Variants in GRM8 observed in about 807,000 individuals in gnomAD.
GRM8 encodes metabotropic glutamate receptor 8.
Under a neutral mutation model 87.2 loss-of-function variants are expected in GRM8, and 47 were observed. The observed-to-expected ratio is 0.54, with a 90% confidence interval of 0.43 to 0.69. The LOEUF (loss-of-function observed/expected upper bound fraction) is 0.69, where lower values mean the gene tolerates loss of function less well. GRM8 is among the 30% of genes least tolerant of loss of function. The pLI is 0.00. For missense variants in GRM8, 1,019 were observed against 1,139.2 expected, an observed-to-expected ratio of 0.89 and a Z score of 1.52; for synonymous variants, 396 against 404.5, an observed-to-expected ratio of 0.98 and a Z score of 0.25.
intron 2 of GRM8, among the ~76,000 whole-genome samples, chr7:127,161,223 A>C (rs939343863): frequency 6.6e-5 from 10 of 152,202 alleles, no homozygotes; most frequent in Admixed American, 5.2e-4. Context: ...TCACAAGATA[A>C]ATCCCACCTG....
chr7:127,195,072 T>G (rs117161985), intron 2 of GRM8, among the ~76,000 whole-genome samples: 1 of 152,294 alleles, frequency 6.6e-6, no homozygotes, highest in East Asian at 1.9e-4. Context: ...CTTGCCCATT[T>G]CTCTTTGCCA....
intron 2 of GRM8, among the ~76,000 whole-genome samples, chr7:127,169,903 T>A (rs1488004577): frequency 6.6e-6 from 1 of 152,194 alleles, no homozygotes; most frequent in Admixed American, 6.5e-5. Flanking sequence ...TTTCAAAATA[T>A]TATTGTTCGT....
At position 126,475,239 on chromosome 7, in the gene GRM8, A is replaced by G. The variant is rs572345699; in HGVS notation, c.2431-28867T>C. Among the ~76,000 whole-genome samples, 3 of 152,268 alleles carry G rather than the reference A, an allele frequency of 2.0e-5. No individual in the cohort carries two copies. In the East Asian group the frequency reaches 5.8e-4, roughly 29 times the overall value. ...ATTTTACATACAGGAAAATCTAAAA[A>G]CTATGAAAAAAACTGTTAGCATAAA... is the stretch of plus-strand genomic sequence containing the variant. On this transcript the variant is annotated intron_variant, in intron 9 of 10. Coordinates refer to ENST00000339582, the MANE Select transcript of GRM8 (RefSeq NM_000845.3).
intron 3 of GRM8, among the ~76,000 whole-genome samples, chr7:126,937,814 G>A (rs1563333852): frequency 6.6e-6 from 1 of 152,158 alleles, no homozygotes; most frequent in African/African-American, 2.4e-5. Flanking sequence ...CTGATAGAGA[G>A]GCCTAGACAT....
intron 2 of GRM8, among the ~76,000 whole-genome samples, chr7:127,221,286 G>C (rs936785792): frequency 1.3e-5 from 2 of 152,172 alleles, no homozygotes; most frequent in Non-Finnish European, 2.9e-5. Context: ...TGTTACCCAG[G>C]CCAGTGGTTT....
intron 9 of GRM8, among the ~76,000 whole-genome samples, chr7:126,519,253 G>A (rs1009648243): frequency 2.0e-5 from 3 of 151,998 alleles, no homozygotes; most frequent in Admixed American, 6.6e-5. Flanking sequence ...ATCTGGAAAT[G>A]TAAAATAATG....
At chr7:126,615,162 T>A (rs1411507323) in intron 7 of GRM8, among the ~76,000 whole-genome samples, 1 of 152,168 alleles carries the variant, frequency 6.6e-6, no homozygotes, top group Non-Finnish European at 1.5e-5. Flanking sequence ...CCAATTAGAC[T>A]AATAGCAGAT....
chr7:126,888,623 T>C (rs891762921), intron 6 of GRM8, among the ~76,000 whole-genome samples: 3 of 152,128 alleles, frequency 2.0e-5, no homozygotes, highest in Non-Finnish European at 4.4e-5. Context: ...TGTGGTTTGC[T>C]GAATTGGCAT....
At chr7:126,891,687 CT>C (rs1037702659) in intron 6 of GRM8, among the ~76,000 whole-genome samples, 1 of 152,030 alleles carries the variant, frequency 6.6e-6, no homozygotes, top group Non-Finnish European at 1.5e-5. Flanking sequence ...TGACACCAAT[CT>C]TCTCCCCTAG....
chr7:126,575,140 C>T (rs1168368613), intron 8 of GRM8, among the ~76,000 whole-genome samples: 1 of 152,006 alleles, frequency 6.6e-6, no homozygotes, highest in Non-Finnish European at 1.5e-5. Context: ...GGCTGCGTAG[C>T]AGGAGGTGAG....
intron 9 of GRM8, among the ~76,000 whole-genome samples, chr7:126,508,451 C>A (rs560279309): frequency 6.6e-6 from 1 of 152,106 alleles, no homozygotes; most frequent in South Asian, 2.1e-4. Context: ...GAGGATGGAA[C>A]CTCATGACCT....
At chr7:127,245,333 A>AT (rs2116894143) in intron 1 of GRM8, among the ~76,000 whole-genome samples, 1 of 152,366 alleles carries the variant, frequency 6.6e-6, no homozygotes, top group African/African-American at 2.4e-5. Context: ...GACAGAGTAC[A>AT]GACTAAATGA....
chr7:126,543,078 A>G (rs1052564136), intron 8 of GRM8, among the ~76,000 whole-genome samples: 5 of 152,216 alleles, frequency 3.3e-5, no homozygotes, highest in African/African-American at 1.2e-4. Context: ...CTACATGGAC[A>G]TCTATGCATG....
chr7:126,956,293 G>A (rs1341288461), intron 3 of GRM8, among the ~76,000 whole-genome samples: 1 of 152,134 alleles, frequency 6.6e-6, no homozygotes, highest in Non-Finnish European at 1.5e-5. Context: ...ATCATGTATT[G>A]TGGAATTACA....
At chr7:126,836,181 C>G (rs1795817191) in intron 6 of GRM8, among the ~76,000 whole-genome samples, 2 of 151,820 alleles carry the variant, frequency 1.3e-5, no homozygotes, top group South Asian at 4.2e-4. Flanking sequence ...AATTTCTTGG[C>G]CAAAATTAAG....
intron 2 of GRM8, among the ~76,000 whole-genome samples, chr7:127,184,112 C>A (rs932801088): frequency 1.3e-5 from 2 of 151,848 alleles, no homozygotes; most frequent in African/African-American, 4.8e-5. Flanking sequence ...ACAATTTCCA[C>A]TATCTCTTAC....
At chr7:127,132,080 T>G (rs1200860365) in intron 2 of GRM8, among the ~76,000 whole-genome samples, 2 of 152,230 alleles carry the variant, frequency 1.3e-5, no homozygotes, top group Non-Finnish European at 2.9e-5. Context: ...CAGACCAGTC[T>G]TCATTATCTA....
At position 126,533,648 on chromosome 7, in the gene GRM8, C is replaced by A. The variant is rs759550118; in HGVS notation, c.1734G>T (p.Glu578Asp). ...GCQLIPIIKL[E>D]WHSPWAVVPV... ...GCACCACAGCCCAGGGAGAATGCCA[C>A]TCCAATTTGATGATGGGGATAAGCT... The change falls in exon 9 of 11, where the codon GAG (glutamate) becomes GAT (aspartate). Residue 578 changes from glutamate to aspartate, a missense_variant. Transcript: ENST00000339582. 1.2e-6 allele frequency: 2 copies of A among 1,613,972 alleles called. No homozygotes were observed. The highest frequency in any genetic ancestry group is 3.3e-5 in the Admixed American group (2 of 59,998).
chr7:126,847,691 G>A (rs943804250), intron 6 of GRM8, among the ~76,000 whole-genome samples: 5 of 152,168 alleles, frequency 3.3e-5, no homozygotes, highest in African/African-American at 1.2e-4. Flanking sequence ...CCAAGAGAGA[G>A]AATCAGGTGA....
Sources: gnomAD v4.1 joint callset for allele counts (sites outside exome capture counted in the v4.1 genomes callset) on GRCh38, gnomAD v4.1.1 for gene constraint, MANE v1.5 for transcripts, NCBI Gene and HGNC (gene_info 2026-07-23, HGNC 2026-07-21) for gene names.